RICTOR: variants seen among roughly 807,000 people sequenced by gnomAD.
RICTOR encodes the protein RPTOR independent companion of MTOR complex 2, also known as rapamycin-insensitive companion of mTOR.
RICTOR carries 49 observed loss-of-function variants against 214.9 expected under a neutral mutation model. The ratio of observed to expected loss-of-function variants is 0.23; its 90% CI spans 0.18 to 0.29. The LOEUF is 0.29. Ranked by LOEUF, RICTOR falls within the 10% of genes least tolerant of loss-of-function variation. RICTOR has a pLI of 1.00. For missense variants in RICTOR, 1,625 were observed against 2,047.0 expected (o/e 0.79, Z 3.98); for synonymous variants, 717 against 711.3 (o/e 1.01, Z -0.13).
intron 3 of RICTOR, among the ~76,000 whole-genome samples, chr5:39,009,871 TATGA>T (rs1302757556): frequency 6.6e-6 from 1 of 152,206 alleles, no homozygotes; most frequent in Non-Finnish European, 1.5e-5. Context: ...CTCAAAATAT[TATGA>T]ATAAGAATGA....
chr5:39,025,921 T>TA (rs748796712), intron 2 of RICTOR, among the ~76,000 whole-genome samples: 1 of 152,170 alleles, frequency 6.6e-6, no homozygotes, highest in Non-Finnish European at 1.5e-5. Flanking sequence ...TGTCAACCCT[T>TA]AGAGTGTCAC....
rs1561501351 is a variant in RICTOR, at chr5:38,990,596, C to CA, written c.583+352_583+353insT. ...ATATATGATATATACATGATATATA[C>CA]GATATATATGATATATATACGATAT... On this transcript the variant is annotated intron_variant, in intron 7 of 37. Coordinates refer to ENST00000357387, the MANE Select transcript of RICTOR (RefSeq NM_152756.5). Among the ~76,000 whole-genome samples, 15 of 119,290 alleles carry CA rather than the reference C, an allele frequency of 1.3e-4. 1 individual carries two copies. The highest frequency in any genetic ancestry group is 5.2e-4 in the African/African-American group (15 of 28,574). The allele number at this position is 119,290 out of a possible 152,430, so 78.3% of individuals were successfully genotyped here.
chr5:39,071,415 T>A (rs1361515755), intron 2 of RICTOR, among the ~76,000 whole-genome samples: 1 of 152,192 alleles, frequency 6.6e-6, no homozygotes, highest in African/African-American at 2.4e-5. Flanking sequence ...AACAACCGTT[T>A]AAAGTATTTT....
intron 9 of RICTOR, among the ~76,000 whole-genome samples, chr5:38,976,309 C>CT (rs11356798): frequency 1.3e-5 from 2 of 151,276 alleles, no homozygotes; most frequent in African/African-American, 4.9e-5. Context: ...CCTGTGCCAC[C>CT]TTTTTTTTTT....
intron 2 of RICTOR, among the ~76,000 whole-genome samples, chr5:39,042,651 T>G (rs540214132): frequency 1.3e-5 from 2 of 152,326 alleles, no homozygotes; most frequent in South Asian, 4.1e-4. Flanking sequence ...AATTGTATAA[T>G]TATTTGATGT....
chr5:39,005,100 A>C (rs1223901068), intron 3 of RICTOR, among the ~76,000 whole-genome samples: 1 of 152,138 alleles, frequency 6.6e-6, no homozygotes, highest in Non-Finnish European at 1.5e-5. Context: ...GACTCTTTTA[A>C]AGACATCTTT....
At chr5:39,065,764 C>G (rs187555404) in intron 2 of RICTOR, among the ~76,000 whole-genome samples, 1 of 152,364 alleles carries the variant, frequency 6.6e-6, no homozygotes, top group African/African-American at 2.4e-5. Context: ...AATCTTAAAG[C>G]TCCAAAATAA....
chr5:39,018,960 A>C (rs1755177751), intron 3 of RICTOR, among the ~76,000 whole-genome samples: 1 of 152,224 alleles, frequency 6.6e-6, no homozygotes, highest in African/African-American at 2.4e-5. Context: ...GAACACACAA[A>C]TAATATGAAG....
chr5:38,999,880 G>A (rs1263566424), intron 5 of RICTOR, among the ~76,000 whole-genome samples: 1 of 151,760 alleles, frequency 6.6e-6, no homozygotes, highest in African/African-American at 2.4e-5. Context: ...ATATTTACAG[G>A]GGAGACACTT....
At chr5:39,027,173 G>C (rs933809588) in intron 2 of RICTOR, among the ~76,000 whole-genome samples, 1 of 152,136 alleles carries the variant, frequency 6.6e-6, no homozygotes, top group Non-Finnish European at 1.5e-5. Flanking sequence ...AAAACTTTAA[G>C]TATAGCTGAA....
intron 5 of RICTOR, among the ~76,000 whole-genome samples, chr5:38,997,602 T>C (rs1361469845): frequency 1.3e-5 from 2 of 152,142 alleles, no homozygotes; most frequent in African/African-American, 4.8e-5. Context: ...TTCCTGGCCA[T>C]GTCAGAGATG....
In RICTOR at chr5:38,966,678, A is replaced by G. The variant is rs1165679104; in HGVS notation, c.1262T>C (p.Val421Ala). 6.3e-7 allele frequency: 1 copy of G among 1,596,474 alleles called. No individual in the cohort carries two copies. The highest frequency in any genetic ancestry group is 2.2e-5 in the East Asian group (1 of 44,696). Residue 421 changes from valine to alanine, a missense_variant, in exon 15 of 38, where the codon GTT (valine) becomes GCT (alanine). By Grantham distance (64) the Val-to-Ala change is moderately conservative. Around this residue, in one of 5 missense-constraint regions of RICTOR, gnomAD observed 1,214 missense variants for 1,470.5 expected, o/e 0.83. Coordinates refer to ENST00000357387, the MANE Select transcript of RICTOR (RefSeq NM_152756.5). Reference sequence around the variant, plus strand: ...CTCTCCTAAAAGGATGGTAGCTCTAACTGAGATATGATCATCACTGTTTGT... The same window carrying G: ...CTCTCCTAAAAGGATGGTAGCTCTAGCTGAGATATGATCATCACTGTTTGT... ...VITNSDDHISVRATILLGELL... is the reference protein window; with the variant it reads ...VITNSDDHISARATILLGELL...
intron 9 of RICTOR, 30 bp downstream of exon 9, chr5:38,978,553 T>TA: frequency 8.3e-7 from 1 of 1,210,090 alleles, no homozygotes; most frequent in Non-Finnish European, 1.2e-6. Flanking sequence ...TACATTATCT[T>TA]AAAAATTATT....
chr5:39,064,915 G>A (rs910792614), intron 2 of RICTOR, among the ~76,000 whole-genome samples: 12 of 152,176 alleles, frequency 7.9e-5, no homozygotes, highest in African/African-American at 2.9e-4. Context: ...TTTTAGAGGT[G>A]AGGAAATTGA....
chr5:38,995,316 G>A (rs1414398147), intron 6 of RICTOR, among the ~76,000 whole-genome samples: 1 of 152,124 alleles, frequency 6.6e-6, no homozygotes, highest in Non-Finnish European at 1.5e-5. Context: ...CTCAGAAATG[G>A]AAAACCAAAT....
rs562081073 is a variant in RICTOR at position 39,045,200 on chromosome 5, T to C, written c.98-24064A>G. The stretch of plus-strand genomic sequence containing the variant: ...TTACTTTGTACACAAACACAAAGTA[T>C]ATATGAGTATATACAAAGAATTCAA... On this transcript the variant is annotated intron_variant, in intron 2 of 37. Coordinates refer to ENST00000357387, the MANE Select transcript of RICTOR (RefSeq NM_152756.5). Among the ~76,000 whole-genome samples, 14 of 152,280 alleles carry C rather than the reference T, an allele frequency of 9.2e-5. 1 individual carries two copies. In the South Asian group the frequency reaches 2.3e-3, roughly 25 times the overall value.
intron 7 of RICTOR, among the ~76,000 whole-genome samples, chr5:38,990,626 T>TATATCAG (rs1752573262): frequency 2.2e-5 from 2 of 90,094 alleles, no homozygotes; most frequent in Admixed American, 2.6e-4. Context: ...CGATATATGA[T>TATATCAG]ATATATATCT....
Position 38,968,965 on chromosome 5 carries a change from G to GT in RICTOR, c.973-936dup, listed in dbSNP as rs70982522. Reference sequence around the variant, plus strand: ...CTAGTGTGTGTTTGGCGGGGGAGGAGTTTTTTTTTTTTTTTTTTTTTTTTT... The same window carrying GT: ...CTAGTGTGTGTTTGGCGGGGGAGGAGTTTTTTTTTTTTTTTTTTTTTTTTTT... On this transcript the variant is annotated intron_variant, in intron 11 of 37. Coordinates refer to ENST00000357387, the MANE Select transcript of RICTOR (RefSeq NM_152756.5). 1.7e-3 allele frequency among the ~76,000 whole-genome samples: 158 copies of GT among 95,496 alleles called. 5 individuals carry two copies. The highest frequency in any genetic ancestry group is 6.5e-3 in the South Asian group (17 of 2,632). 62.6% of individuals were successfully genotyped at this position (95,496 alleles called of 152,430 possible).
At chr5:39,007,440 T>C (rs1754168129) in intron 3 of RICTOR, among the ~76,000 whole-genome samples, 1 of 152,192 alleles carries the variant, frequency 6.6e-6, no homozygotes, top group South Asian at 2.1e-4. Flanking sequence ...TCAAAGGCCC[T>C]ATCTCCAAAT....
Sources: allele counts gnomAD v4.1 joint callset (sites outside exome capture counted in the v4.1 genomes callset), GRCh38; gene constraint gnomAD v4.1.1; regional missense constraint gnomAD v4.1.1; transcripts MANE v1.5; gene names NCBI Gene and HGNC (gene_info 2026-07-23, HGNC 2026-07-21).